Variants in SERF2 observed in about 807,000 individuals in gnomAD.
SERF2 encodes the protein small EDRK-rich factor 2.
A neutral mutation model predicts 10.7 loss-of-function variants in SERF2; 4 were observed. The ratio of observed to expected loss-of-function variants is 0.37; its 90% CI spans 0.18 to 0.86. SERF2 has a LOEUF of 0.86. Ranked by LOEUF, SERF2 falls within the 40% of genes least tolerant of loss-of-function variation. The pLI is 0.43. For synonymous variants in SERF2, 26 were observed against 26.0 expected (o/e 1.00, Z 0.01); for missense variants, 47 against 79.1 (o/e 0.59, Z 1.54).
At chr15:43,791,992 C>A (rs2087068252), upstream of SERF2, 2 of 350,326 alleles carry the variant, frequency 5.7e-6, no homozygotes, top group African/African-American at 4.1e-5. Flanking sequence ...TTTGTCAGTA[C>A]CCCAAACTGT....
In SERF2 at chr15:43,795,942, G is replaced by T. The variant is rs2087205475; in HGVS notation, c.*2169G>T. On this transcript the variant is annotated 3_prime_UTR_variant, in exon 3 of 3. Coordinates refer to ENST00000249786, the MANE Select transcript of SERF2 (RefSeq NM_001018108.4). Reference sequence around the variant, plus strand: ...CCTCGATTTCTCCATTTGTAAAATGGAGCAAATACCTACCTCACAGGGTTG... The same window carrying T: ...CCTCGATTTCTCCATTTGTAAAATGTAGCAAATACCTACCTCACAGGGTTG... 6.2e-6 allele frequency: 4 copies of T among 644,750 alleles called. No homozygotes were observed. Among genetic ancestry groups the T allele is most frequent in the Non-Finnish European group, 1.1e-5 (4 of 369,372 alleles). The allele number at this position is 644,750 out of a possible 1,614,324, so 39.9% of individuals were successfully genotyped here.
Position 43,795,576 on chromosome 15 carries a change from G to C in SERF2, c.*1803G>C. 6.2e-7 allele frequency: 1 copy of C among 1,613,526 alleles called. No homozygotes were observed. The highest frequency in any genetic ancestry group is 8.5e-7 in the Non-Finnish European group (1 of 1,179,562). On this transcript the variant is annotated 3_prime_UTR_variant, in exon 3 of 3. Coordinates refer to ENST00000249786, the MANE Select transcript of SERF2 (RefSeq NM_001018108.4). ...GGAAATGGCTGCTGGGAGCAGAGCT[G>C]CTGAAACACCTCTTCCCCTCTCCCC...
chr15:43,795,222 C>G lies in SERF2; in HGVS notation c.*1449C>G. ...GTTCTGCTCCCTCATAGCTGTGTAA[C>G]CAAAGGCTCTGGTTAGAGAATATGA... is the stretch of plus-strand genomic sequence containing the variant. On this transcript the variant is annotated 3_prime_UTR_variant, in exon 3 of 3. Coordinates refer to ENST00000249786, the MANE Select transcript of SERF2 (RefSeq NM_001018108.4). 2 of 1,613,740 alleles carry G rather than the reference C, an allele frequency of 1.2e-6. No homozygotes were observed. Among genetic ancestry groups the G allele is most frequent in the Non-Finnish European group, 1.7e-6 (2 of 1,179,706 alleles).
intron 1 of SERF2, among the ~76,000 whole-genome samples, chr15:43,781,375 C>T (rs1371417414): frequency 2.0e-5 from 3 of 151,910 alleles, no homozygotes; most frequent in South Asian, 2.1e-4. Context: ...GCCAACATAG[C>T]GAAATCCCAT....
At chr15:43,779,541 G>C (rs1596031243) in intron 1 of SERF2, among the ~76,000 whole-genome samples, 1 of 152,124 alleles carries the variant, frequency 6.6e-6, no homozygotes, top group South Asian at 2.1e-4. Flanking sequence ...GCCCAGGCTG[G>C]AGTGCAGTGG....
chr15:43,792,525 T>C (rs984458057), intron 1 of SERF2, 142 bp downstream of exon 1: 99 of 1,530,814 alleles, frequency 6.5e-5, no homozygotes, highest in Non-Finnish European at 8.0e-5. Flanking sequence ...TCACACTCGG[T>C]GCCCGGAAAT....
In SERF2 at chr15:43,795,739, G is replaced by C; in HGVS notation, c.*1966G>C. ...CAGCAGAAACACAGTGAGGGCTTCT[G>C]CAAAACAGAACGCAGGTTTTGGAAT... On this transcript the variant is annotated 3_prime_UTR_variant, in exon 3 of 3. Transcript: ENST00000249786. 3.1e-6 allele frequency: 5 copies of C among 1,613,656 alleles called. No homozygotes were observed. Among genetic ancestry groups the C allele is most frequent in the Non-Finnish European group, 4.2e-6 (5 of 1,179,780 alleles).
intron 2 of SERF2, among the ~76,000 whole-genome samples, chr15:43,786,839 T>C (rs1188276479): frequency 6.6e-6 from 1 of 152,106 alleles, no homozygotes; most frequent in Non-Finnish European, 1.5e-5. Flanking sequence ...TGTTTCCTCA[T>C]TCATGTCAAC....
chr15:43,782,351 C>T (rs1338083301), intron 1 of SERF2, among the ~76,000 whole-genome samples: 1 of 152,148 alleles, frequency 6.6e-6, no homozygotes, highest in African/African-American at 2.4e-5. Flanking sequence ...AGCTGTGACA[C>T]TTACCATATT....
At chr15:43,782,022 G>C (rs1405991675) in intron 1 of SERF2, among the ~76,000 whole-genome samples, 3 of 151,688 alleles carry the variant, frequency 2.0e-5, no homozygotes, top group Non-Finnish European at 4.4e-5. Flanking sequence ...CCGAGTACCT[G>C]GGATTACAGG....
chr15:43,779,154 T>C (rs952847633), intron 1 of SERF2, among the ~76,000 whole-genome samples: 3 of 152,188 alleles, frequency 2.0e-5, no homozygotes, highest in African/African-American at 7.2e-5. Flanking sequence ...AGTTCGTTTA[T>C]GGTAACAGGC....
At chr15:43,787,189 C>T (rs1404717980) in intron 2 of SERF2, among the ~76,000 whole-genome samples, 10 of 151,974 alleles carry the variant, frequency 6.6e-5, no homozygotes, top group East Asian at 3.9e-4. Flanking sequence ...TTAGTAGAGA[C>T]GGGGTTTCAC....
intron 2 of SERF2, among the ~76,000 whole-genome samples, chr15:43,787,003 TG>T (rs72410536): frequency 0.23 from 21,774 of 93,306 alleles, 2,433 homozygotes; most frequent in East Asian, 0.45. Context: ...TTCGTTTTTT[TG>T]TTTTTTTTTT....
chr15:43,785,863 G>A (rs1260191493), intron 2 of SERF2, among the ~76,000 whole-genome samples: 3 of 151,182 alleles, frequency 2.0e-5, no homozygotes, highest in Non-Finnish European at 4.4e-5. Context: ...ATGCCACCAC[G>A]CCCCACTAAT....
At chr15:43,787,701 A>AT (rs769570867), upstream of SERF2, among the ~76,000 whole-genome samples, 5,650 of 141,110 alleles carry the variant, frequency 0.04, 326 homozygotes, top group African/African-American at 0.13. Flanking sequence ...CCCAGCCAGA[A>AT]TTTTTTTTTT....
chr15:43,792,288 T>A (rs1306459726), upstream of SERF2: 4 of 1,157,446 alleles, frequency 3.5e-6, no homozygotes, highest in East Asian at 7.0e-5. Context: ...AAGGAACGAC[T>A]GTGCTACGTT....
rs753655469 is a variant in SERF2, at chr15:43,793,962, C to T, written c.*189C>T. On this transcript the variant is annotated 3_prime_UTR_variant, in exon 3 of 3. Coordinates refer to ENST00000249786, the MANE Select transcript of SERF2 (RefSeq NM_001018108.4). ...GTAGCCTCTCTCCCCCTGGGCCACT[C>T]CCGGGGGTGAGGGGGTTACCCCTTC... The T allele has an allele frequency of 6.5e-7, 1 of 1,542,392 alleles. No individual in the cohort carries two copies. Among genetic ancestry groups the T allele is most frequent in the African/African-American group, 1.4e-5 (1 of 73,062 alleles).
upstream of SERF2, among the ~76,000 whole-genome samples, chr15:43,790,390 G>C (rs1351842242): frequency 1.3e-5 from 2 of 152,124 alleles, no homozygotes; most frequent in Non-Finnish European, 2.9e-5. Flanking sequence ...CAGACAGGGA[G>C]AGGGAGAGAG....
At chr15:43,778,564 G>A (rs376055807) in intron 1 of SERF2, among the ~76,000 whole-genome samples, 12 of 110,118 alleles carry the variant, frequency 1.1e-4, no homozygotes, top group East Asian at 1.0e-3. Flanking sequence ...GGCCAGGCGC[G>A]CTGGCAGATT....
Sources: allele counts gnomAD v4.1 joint callset (sites outside exome capture counted in the v4.1 genomes callset), GRCh38; gene constraint gnomAD v4.1.1; transcripts MANE v1.5; gene names NCBI Gene and HGNC (gene_info 2026-07-23, HGNC 2026-07-21).